Variants in DDX50 observed in about 807,000 individuals in gnomAD.
The protein encoded by DDX50 is ATP-dependent RNA helicase DDX50.
DDX50 carries 56 observed loss-of-function variants against 94.8 expected under a neutral mutation model. The observed-to-expected ratio is 0.59, with a 90% CI of 0.48 to 0.74. DDX50 has a LOEUF of 0.74. Among genes scored for constraint, DDX50 ranks in the 30% least tolerant of loss-of-function variants. The pLI is 0.00. For synonymous variants in DDX50, 264 were observed against 295.4 expected (o/e 0.89, Z 1.09); for missense variants, 713 against 881.2 (o/e 0.81, Z 2.42).
At chr10:68,919,723 A>G (rs1841893633) in intron 7 of DDX50, 109 bp from the exon 8 acceptor site, 3 of 1,338,750 alleles carry the variant, frequency 2.2e-6, no homozygotes. Flanking sequence ...TCTTTGTCTT[A>G]CAGTCTCCCA....
chr10:68,934,298 G>T lies in DDX50; in HGVS notation c.1339G>T (p.Val447Leu). 6.2e-7 allele frequency: 1 copy of T among 1,613,782 alleles called. No individual in the cohort carries two copies. The highest frequency in any genetic ancestry group is 1.3e-5 in the African/African-American group (1 of 75,040). ...TTTTAAAGTTTTGGTGGCAACCAAT[G>T]TGGCTGCCCGTGGTTTGGACATTCC... ...GSFKVLVATN[V>L]AARGLDIPEV... Residue 447 changes from valine to leucine, a missense_variant, in exon 9 of 15, where the codon GTG (valine) becomes TTG (leucine). Around this residue, in one of 2 missense-constraint regions of DDX50, gnomAD observed 428 missense variants for 602.3 expected, o/e 0.71. Coordinates refer to ENST00000373585, the MANE Select transcript of DDX50 (RefSeq NM_024045.2). This position sits in a 1 kb window ranked among gnomAD's most constrained non-coding sequence, Gnocchi z 4.0.
intron 13 of DDX50, among the ~76,000 whole-genome samples, chr10:68,942,826 A>G (rs897834073): frequency 2.0e-5 from 3 of 152,000 alleles, no homozygotes; most frequent in African/African-American, 7.3e-5. Context: ...TATGTTGCCC[A>G]GGCTGGTCTT....
intron 8 of DDX50, among the ~76,000 whole-genome samples, chr10:68,922,872 C>CT (rs1289506117): frequency 6.8e-6 from 1 of 146,980 alleles, no homozygotes; most frequent in African/African-American, 2.5e-5. Flanking sequence ...ACTGCAACCT[C>CT]TGTCTGCCTC....
In DDX50 at chr10:68,940,928, T is replaced by C; in HGVS notation, c.1756-132T>C. The stretch of plus-strand genomic sequence containing the variant: ...TTCTAATAATGTAGTTTCAAAAAAA[T>C]TTTTTAGCTGCAATGTTATACTTTT... On this transcript the variant is annotated intron_variant, in intron 12 of 14. Coordinates refer to ENST00000373585, the MANE Select transcript of DDX50 (RefSeq NM_024045.2). The C allele has an allele frequency of 4.1e-6, 5 of 1,222,200 alleles. No homozygotes were observed. In the East Asian group the frequency reaches 8.0e-5, roughly 20 times the overall value. The allele number at this position is 1,222,200 out of a possible 1,614,324, so 75.7% of individuals were successfully genotyped here. A position where few individuals can be genotyped will look rare whatever the true frequency, so the allele number is the denominator to read the frequency against.
At chr10:68,905,795 C>G (rs1261283297) in intron 1 of DDX50, among the ~76,000 whole-genome samples, 1 of 152,188 alleles carries the variant, frequency 6.6e-6, no homozygotes, top group Non-Finnish European at 1.5e-5. Context: ...TGCCTGTAGT[C>G]CCAGCTACTT....
intron 14 of DDX50, among the ~76,000 whole-genome samples, chr10:68,944,235 G>T (rs374411999): frequency 6.6e-6 from 1 of 152,062 alleles, no homozygotes; most frequent in African/African-American, 2.4e-5. Flanking sequence ...AAAGCTCATA[G>T]ATTGTAATTT....
intron 8 of DDX50, among the ~76,000 whole-genome samples, chr10:68,925,987 C>G (rs894264353): frequency 1.4e-4 from 20 of 143,620 alleles, no homozygotes; most frequent in African/African-American, 4.9e-4. Flanking sequence ...GCACTCCATC[C>G]TGGGCAACAG....
At chr10:68,913,705 G>T in intron 6 of DDX50, 129 bp downstream of exon 6, 1 of 872,168 alleles carries the variant, frequency 1.1e-6, no homozygotes, top group Non-Finnish European at 1.7e-6. Flanking sequence ...TTTGGTATCT[G>T]TTCTGTCCTT....
In DDX50 at chr10:68,921,944, T is replaced by C. The variant is rs1421487437; in HGVS notation, c.1239+1963T>C. ...TCGGTAGTTTTACTAGAATATATTTTGGTGGTGTTCTTTGTCAGTTTTTCT... is the reference window on the plus strand; with the variant it reads ...TCGGTAGTTTTACTAGAATATATTTCGGTGGTGTTCTTTGTCAGTTTTTCT... On this transcript the variant is annotated intron_variant, in intron 8 of 14. Transcript: ENST00000373585. 3.9e-5 allele frequency among the ~76,000 whole-genome samples: 6 copies of C among 152,328 alleles called. No homozygotes were observed. In the East Asian group the frequency reaches 1.2e-3, roughly 29 times the overall value.
At chr10:68,909,852 G>T (rs1327173876) in intron 2 of DDX50, among the ~76,000 whole-genome samples, 2 of 152,126 alleles carry the variant, frequency 1.3e-5, no homozygotes, top group African/African-American at 2.4e-5. Flanking sequence ...AGTAGAGACA[G>T]GGTTTCTCCA....
intron 7 of DDX50, among the ~76,000 whole-genome samples, chr10:68,914,539 T>C (rs1175529117): frequency 1.3e-5 from 2 of 152,172 alleles, no homozygotes; most frequent in African/African-American, 4.8e-5. Context: ...AGGCGATTTA[T>C]ATTGACTAGA....
At position 68,906,992 on chromosome 10, in the gene DDX50, TAATA is replaced by T; in HGVS notation, c.372_375del (p.Lys125Ter). 1 of 1,580,822 alleles carries T rather than the reference TAATA, an allele frequency of 6.3e-7. No individual in the cohort carries two copies. Among genetic ancestry groups the T allele is most frequent in the Non-Finnish European group, 8.5e-7 (1 of 1,172,538 alleles). On this transcript the variant is annotated frameshift_variant, in exon 2 of 15. Transcript: ENST00000373585. LOFTEE classifies it high-confidence loss of function. ...ATACTTCTACTCATAAATCAAGTGA[TAATA>T]AACTAGAGGAGGTATGGAAGCTTTT...
intron 8 of DDX50, among the ~76,000 whole-genome samples, chr10:68,931,389 A>AG (rs1564613778): frequency 6.1e-5 from 3 of 49,058 alleles, no homozygotes; most frequent in Non-Finnish European, 1.2e-4. Flanking sequence ...CATTAAAAAA[A>AG]AAAATATATA....
Position 68,936,073 on chromosome 10 carries a change from C to T in DDX50, c.1589C>T (p.Ala530Val), listed in dbSNP as rs1842399759. 6.2e-7 allele frequency: 1 copy of T among 1,608,314 alleles called. No homozygotes were observed. Among genetic ancestry groups the T allele is most frequent in the Non-Finnish European group, 8.5e-7 (1 of 1,177,380 alleles). ...MDLVKSKSMD[A>V]IRSLASVSYA... Reference sequence around the variant, plus strand: ...TTAGTTAAATCTAAAAGCATGGATGCCATCAGGTATGCTTTCTGAACTTGC... The same window carrying T: ...TTAGTTAAATCTAAAAGCATGGATGTCATCAGGTATGCTTTCTGAACTTGC... Residue 530 changes from alanine (A) to valine (V), a missense_variant, in exon 11 of 15, where the codon GCC (alanine) becomes GTC (valine). By Grantham distance (64) the Ala-to-Val change is moderately conservative (BLOSUM62 0). Transcript: ENST00000373585.
intron 13 of DDX50, 117 bp downstream of exon 13, chr10:68,941,311 T>C (rs1842548376): frequency 7.5e-7 from 1 of 1,324,626 alleles, no homozygotes; most frequent in Non-Finnish European, 1.0e-6. Flanking sequence ...TGCTGTTTTT[T>C]CTCTGTTAGT....
At chr10:68,904,220 A>C (rs996279464) in intron 1 of DDX50, among the ~76,000 whole-genome samples, 1 of 151,020 alleles carries the variant, frequency 6.6e-6, no homozygotes, top group Non-Finnish European at 1.5e-5. Context: ...CTGAGGTGGG[A>C]GGATCACTTG....
At chr10:68,910,263 G>A (rs753340061) in intron 2 of DDX50, 44 bp from the exon 3 acceptor site, 2 of 1,422,188 alleles carry the variant, frequency 1.4e-6, no homozygotes, top group South Asian at 2.5e-5. Context: ...AAATGAGGAA[G>A]AGTTGAGTAT....
chr10:68,929,296 T>TTCCTTCCTTCCTTC (rs1354099619), intron 8 of DDX50, among the ~76,000 whole-genome samples: 9 of 66,126 alleles, frequency 1.4e-4, no homozygotes, highest in Non-Finnish European at 2.6e-4. Context: ...TTCCTTCCTC[T>TTCCTTCCTTCCTTC]CTCTCTCTCT....
In DDX50 at chr10:68,921,163, T is replaced by G. The variant is rs571872434; in HGVS notation, c.1239+1182T>G. ...TTATATCCATAAATGTTTGGTTATGTATCTCTAAAAAGGATTTTCAAAAAA... is the reference window on the plus strand; with the variant it reads ...TTATATCCATAAATGTTTGGTTATGGATCTCTAAAAAGGATTTTCAAAAAA... On this transcript the variant is annotated intron_variant, in intron 8 of 14. Transcript: ENST00000373585. 2.7e-5 allele frequency among the ~76,000 whole-genome samples: 4 copies of G among 148,614 alleles called. No homozygotes were observed. In the Admixed American group the frequency reaches 2.7e-4, roughly 10 times the overall value.
Sources: gnomAD v4.1 joint callset for allele counts (sites outside exome capture counted in the v4.1 genomes callset) on GRCh38, gnomAD v4.1.1 for gene constraint, gnomAD v4.1.1 regional missense constraint, Gnocchi (gnomAD v3.1) non-coding constraint, MANE v1.5 for transcripts, NCBI Gene and HGNC (gene_info 2026-07-23, HGNC 2026-07-21) for gene names.